Variants in SLC9B1 observed in about 807,000 individuals in gnomAD.
SLC9B1 encodes sodium/hydrogen exchanger 9B1.
In SLC9B1, 32 loss-of-function variants were observed where a neutral mutation model predicts 51.7. That is an observed-to-expected ratio of 0.62 (90% CI 0.47 to 0.83). The LOEUF (loss-of-function observed/expected upper bound fraction) is 0.83, where lower values mean the gene tolerates loss of function less well. Ranked by LOEUF, SLC9B1 falls within the 40% of genes least tolerant of loss-of-function variation. SLC9B1 has a pLI of 0.00. For missense variants in SLC9B1, 406 were observed against 613.2 expected (o/e 0.66, Z 3.57); for synonymous variants, 145 against 212.7 (o/e 0.68, Z 2.77).
chr4:102,892,360 T>A (rs188693384), intron 11 of SLC9B1: 5 of 152,324 alleles, frequency 3.3e-5, no homozygotes, highest in Admixed American at 2.6e-4. Flanking sequence ...ATGCCTGGTG[T>A]TTTATCTTTT....
intron 1 of SLC9B1, among the ~76,000 whole-genome samples, chr4:103,001,960 G>A (rs899790147): frequency 2.0e-5 from 3 of 152,214 alleles, no homozygotes; most frequent in Non-Finnish European, 1.5e-5. Flanking sequence ...GGCAAAGGAG[G>A]AGCACGGACC....
intron 3 of SLC9B1, among the ~76,000 whole-genome samples, chr4:102,966,059 C>T (rs1307842843): frequency 1.3e-5 from 2 of 152,244 alleles, no homozygotes; most frequent in African/African-American, 4.8e-5. Flanking sequence ...AGCCACATGG[C>T]TGCTCTCACT....
At chr4:102,965,989 G>C (rs1186858097) in intron 3 of SLC9B1, among the ~76,000 whole-genome samples, 3 of 152,232 alleles carry the variant, frequency 2.0e-5, no homozygotes, top group Non-Finnish European at 2.9e-5. Context: ...CCTGGGCACA[G>C]TGGGGAGTTT....
In SLC9B1 at chr4:102,911,554, TAA is replaced by T; in HGVS notation, c.830-19_830-18del. ...GTATACCACCTGTAGGGGCACACAATAAAAAAAAATTCACAAAGAAGTATCTT... is the reference window on the plus strand; with the variant it reads ...GTATACCACCTGTAGGGGCACACAATAAAAAAATTCACAAAGAAGTATCTT... On this transcript the variant is annotated intron_variant, in intron 7 of 11. Coordinates refer to ENST00000296422, the MANE Select transcript of SLC9B1 (RefSeq NM_139173.4). The T allele has an allele frequency of 6.8e-7, 1 of 1,471,170 alleles. No homozygotes were observed. 91.1% of individuals were successfully genotyped at this position (1,471,170 alleles called of 1,614,324 possible).
At chr4:102,977,311 A>C (rs1384218175) in intron 3 of SLC9B1, among the ~76,000 whole-genome samples, 1 of 151,440 alleles carries the variant, frequency 6.6e-6, no homozygotes, top group Non-Finnish European at 1.5e-5. Context: ...AAAAAAAAAA[A>C]AAAAACAGAA....
intron 1 of SLC9B1, among the ~76,000 whole-genome samples, chr4:102,994,636 C>T (rs1214180802): frequency 2.0e-5 from 3 of 152,128 alleles, no homozygotes; most frequent in Non-Finnish European, 4.4e-5. Flanking sequence ...CAAAGAAATA[C>T]CCGAGACTGG....
chr4:102,946,922 A>T, intron 4 of SLC9B1, 133 bp from the exon 5 acceptor site: 1 of 677,080 alleles, frequency 1.5e-6, no homozygotes, highest in Non-Finnish European at 2.4e-6. Context: ...CAAGTAGAGA[A>T]GGCAGCATGA....
intron 7 of SLC9B1, among the ~76,000 whole-genome samples, chr4:102,915,918 G>T (rs761509302): frequency 6.6e-6 from 1 of 151,754 alleles, no homozygotes; most frequent in South Asian, 2.1e-4. Flanking sequence ...TAACCACAAA[G>T]AAAAGACCTA....
intron 1 of SLC9B1, among the ~76,000 whole-genome samples, chr4:103,003,601 C>T (rs1227352809): frequency 6.6e-6 from 1 of 152,196 alleles, no homozygotes; most frequent in African/African-American, 2.4e-5. Context: ...CACATGCACC[C>T]TTTTGCACTG....
At chr4:102,968,669 T>C (rs1738563197) in intron 3 of SLC9B1, among the ~76,000 whole-genome samples, 1 of 152,218 alleles carries the variant, frequency 6.6e-6, no homozygotes, top group Non-Finnish European at 1.5e-5. Context: ...TTCATCTCAC[T>C]GGGACTGGTT....
intron 1 of SLC9B1, among the ~76,000 whole-genome samples, chr4:103,003,941 C>T (rs896500506): frequency 3.9e-4 from 59 of 152,114 alleles, no homozygotes; most frequent in African/African-American, 1.3e-3. Context: ...AAGCAAAAAG[C>T]CCCATCTATA....
intron 5 of SLC9B1, 28 bp from the exon 6 acceptor site, chr4:102,945,348 T>A: frequency 6.5e-7 from 1 of 1,530,316 alleles, no homozygotes; most frequent in Admixed American, 2.0e-5. Flanking sequence ...CACACTTAGA[T>A]ACATTTACAA....
intron 7 of SLC9B1, among the ~76,000 whole-genome samples, chr4:102,918,096 GA>G (rs71596380): frequency 1.8e-3 from 212 of 120,652 alleles, no homozygotes; most frequent in African/African-American, 5.8e-3. Flanking sequence ...AAAGGCTAGA[GA>G]AAAAAAAAAC....
At chr4:102,947,293 T>C (rs1737314590) in intron 4 of SLC9B1, among the ~76,000 whole-genome samples, 1 of 152,108 alleles carries the variant, frequency 6.6e-6, no homozygotes, top group African/African-American at 2.4e-5. Flanking sequence ...AATAAATACT[T>C]AGAAGGTGCT....
intron 7 of SLC9B1, among the ~76,000 whole-genome samples, chr4:102,927,788 C>T (rs759926760): frequency 3.3e-5 from 5 of 152,078 alleles, no homozygotes; most frequent in African/African-American, 9.7e-5. Context: ...ATGTTTATTT[C>T]GGCACTATTC....
At chr4:102,913,796 T>TAAAAAAAAAAAAAAAAAAAAAGAAAA (rs1735459749) in intron 7 of SLC9B1, among the ~76,000 whole-genome samples, 1 of 71,448 alleles carries the variant, frequency 1.4e-5, no homozygotes, top group African/African-American at 5.3e-5. Context: ...AGATAGAAAC[T>TAAAAAAAAAAAAAAAAAAAAAGAAAA]AAAAAAAAAA....
intron 7 of SLC9B1, 140 bp downstream of exon 7, chr4:102,931,984 G>A: frequency 1.4e-6 from 1 of 736,680 alleles, no homozygotes; most frequent in Non-Finnish European, 2.2e-6. Context: ...GGTCTAGAAT[G>A]AGCTTTCTAT....
intron 3 of SLC9B1, among the ~76,000 whole-genome samples, chr4:102,976,985 C>T (rs1739104836): frequency 6.6e-6 from 1 of 151,880 alleles, no homozygotes; most frequent in South Asian, 2.1e-4. Context: ...GCTGTCTCTA[C>T]AAAAAATTTT....
intron 7 of SLC9B1, among the ~76,000 whole-genome samples, chr4:102,919,724 GTCTTAGCAACTA>G (rs199681173): frequency 3.1e-5 from 1 of 32,756 alleles, no homozygotes. Flanking sequence ...TTTTCCCAAG[GTCTTAGCAACTA>G]GCAGACAAGA....
Sources: allele counts gnomAD v4.1 joint callset (sites outside exome capture counted in the v4.1 genomes callset), GRCh38; gene constraint gnomAD v4.1.1; transcripts MANE v1.5; gene names NCBI Gene and HGNC (gene_info 2026-07-23, HGNC 2026-07-21).